Variants in CDKAL1 observed in about 807,000 individuals in gnomAD.
CDKAL1 encodes threonylcarbamoyladenosine tRNA methylthiotransferase.
Under a neutral mutation model 68.2 loss-of-function variants are expected in CDKAL1, and 32 were observed. The observed-to-expected ratio is 0.47, with a 90% CI of 0.35 to 0.63. CDKAL1 has a LOEUF of 0.63. CDKAL1 is among the 30% of genes least tolerant of loss of function. The pLI is 0.00. For missense variants in CDKAL1, 606 were observed against 696.7 expected (o/e 0.87, Z 1.47); for synonymous variants, 234 against 244.3 (o/e 0.96, Z 0.39).
chr6:20,766,533 C>T (rs892151623), intron 7 of CDKAL1, among the ~76,000 whole-genome samples: 2 of 152,264 alleles, frequency 1.3e-5, no homozygotes, highest in East Asian at 1.9e-4. Context: ...TAACTATTAA[C>T]GAGGACTTGC....
intron 13 of CDKAL1, among the ~76,000 whole-genome samples, chr6:21,166,110 G>C (rs1382896505): frequency 6.6e-6 from 1 of 152,160 alleles, no homozygotes; most frequent in Non-Finnish European, 1.5e-5. Context: ...TCAGAACAGA[G>C]CCAGTACAGA....
intron 11 of CDKAL1, among the ~76,000 whole-genome samples, chr6:21,008,300 A>G (rs1279550528): frequency 3.3e-5 from 5 of 152,200 alleles, no homozygotes; most frequent in Non-Finnish European, 5.9e-5. Flanking sequence ...GAGATCATCC[A>G]GAAGGAAAAA....
At chr6:20,982,161 G>C (rs2150776125) in intron 10 of CDKAL1, among the ~76,000 whole-genome samples, 1 of 151,792 alleles carries the variant, frequency 6.6e-6, no homozygotes, top group South Asian at 2.1e-4. Context: ...CCACCTCCCG[G>C]GCTCAAGCAA....
intron 5 of CDKAL1, among the ~76,000 whole-genome samples, chr6:20,716,446 G>A (rs186880959): frequency 6.6e-6 from 1 of 152,116 alleles, no homozygotes; most frequent in Non-Finnish European, 1.5e-5. Context: ...GAGATGATGT[G>A]GCTTGGATGA....
At chr6:20,639,339 G>C (rs574393618) in intron 4 of CDKAL1, among the ~76,000 whole-genome samples, 1 of 152,112 alleles carries the variant, frequency 6.6e-6, no homozygotes, top group East Asian at 1.9e-4. Flanking sequence ...TTTAGTCAGA[G>C]ACTCACTCTA....
At chr6:20,648,370 C>A (rs1768584757) in intron 4 of CDKAL1, among the ~76,000 whole-genome samples, 1 of 152,020 alleles carries the variant, frequency 6.6e-6, no homozygotes, top group Admixed American at 6.6e-5. Flanking sequence ...CCTCATGATC[C>A]ACCCTCCACA....
intron 13 of CDKAL1, among the ~76,000 whole-genome samples, chr6:21,131,557 T>G (rs1775320783): frequency 6.6e-6 from 1 of 152,188 alleles, no homozygotes; most frequent in Non-Finnish European, 1.5e-5. Context: ...AAAAGCAATT[T>G]GATGCAAACT....
intron 6 of CDKAL1, among the ~76,000 whole-genome samples, chr6:20,753,888 G>A (rs2493995): frequency 0.16 from 23,758 of 151,848 alleles, 2,023 homozygotes; most frequent in East Asian, 0.34. Flanking sequence ...TCATTTTACT[G>A]CATTCCCATC....
intron 9 of CDKAL1, among the ~76,000 whole-genome samples, chr6:20,853,107 G>A (rs970228530): frequency 2.6e-5 from 4 of 152,156 alleles, no homozygotes; most frequent in Admixed American, 2.0e-4. Context: ...TAGACCAGTC[G>A]TGGTGGCTCA....
chr6:20,550,860 C>CTTTTTTT (rs70990044), intron 4 of CDKAL1, among the ~76,000 whole-genome samples: 5 of 72,908 alleles, frequency 6.9e-5, no homozygotes, highest in Non-Finnish European at 7.1e-5. Flanking sequence ...GAGGTTGTGT[C>CTTTTTTT]TTTTTTTTTT....
In CDKAL1 at chr6:21,203,635, C is replaced by G. The variant is rs1036363444; in HGVS notation, c.1548+2361C>G. On this transcript the variant is annotated intron_variant, in intron 15 of 15. Coordinates refer to ENST00000274695, the MANE Select transcript of CDKAL1 (RefSeq NM_017774.3). ...TCAAACGGTCCTCCCACCTTGGTCT[C>G]CCTGGCATCTAAAGCAAAATACTGT... Among the ~76,000 whole-genome samples, 92 of 151,760 alleles carry G rather than the reference C, an allele frequency of 6.1e-4. 1 individual carries two copies. The highest frequency in any genetic ancestry group is 5.0e-3 in the Admixed American group (76 of 15,246).
intron 10 of CDKAL1, among the ~76,000 whole-genome samples, chr6:20,970,973 C>T (rs1331624437): frequency 3.3e-5 from 5 of 152,254 alleles, no homozygotes; most frequent in East Asian, 1.9e-4. Flanking sequence ...CTCAGCCTCC[C>T]GAGTAGCTGG....
intron 10 of CDKAL1, among the ~76,000 whole-genome samples, chr6:20,976,313 T>C (rs1245533609): frequency 6.6e-6 from 1 of 152,180 alleles, no homozygotes; most frequent in East Asian, 1.9e-4. Flanking sequence ...AAATGTATTC[T>C]TTGTTAAGTG....
chr6:20,620,906 A>G (rs59800273), intron 4 of CDKAL1, among the ~76,000 whole-genome samples: 27,584 of 151,958 alleles, frequency 0.18, 2,664 homozygotes, highest in East Asian at 0.35. Flanking sequence ...CAATATTAAT[A>G]CATTATTATT....
At chr6:20,890,316 A>G (rs2150577208) in intron 9 of CDKAL1, among the ~76,000 whole-genome samples, 1 of 152,342 alleles carries the variant, frequency 6.6e-6, no homozygotes, top group East Asian at 1.9e-4. Flanking sequence ...TCTAAGCAAG[A>G]TGCATAAGAA....
intron 6 of CDKAL1, among the ~76,000 whole-genome samples, chr6:20,744,087 G>A (rs1471323346): frequency 6.6e-6 from 1 of 152,044 alleles, no homozygotes. Flanking sequence ...AATAGTTATA[G>A]TTAATCATCT....
At chr6:20,830,346 A>G (rs865805983) in intron 8 of CDKAL1, among the ~76,000 whole-genome samples, 8 of 152,170 alleles carry the variant, frequency 5.3e-5, no homozygotes, top group Admixed American at 3.9e-4. Flanking sequence ...GTTTTGCCCT[A>G]TATCTTTATA....
chr6:20,744,559 T>A (rs1380149035), intron 6 of CDKAL1, among the ~76,000 whole-genome samples: 1 of 152,138 alleles, frequency 6.6e-6, no homozygotes, highest in Non-Finnish European at 1.5e-5. Context: ...TCCTGGAGAA[T>A]CTAGTGAGAT....
At chr6:21,197,956 T>G in intron 13 of CDKAL1, 65 bp from the exon 14 acceptor site, 2 of 1,013,308 alleles carry the variant, frequency 2.0e-6, no homozygotes, top group Non-Finnish European at 2.9e-6. Flanking sequence ...GCCTTTATTT[T>G]TATTTTTGGA....
Sources: allele counts gnomAD v4.1 joint callset (sites outside exome capture counted in the v4.1 genomes callset), GRCh38; gene constraint gnomAD v4.1.1; transcripts MANE v1.5; gene names NCBI Gene and HGNC (gene_info 2026-07-23, HGNC 2026-07-21).